The following DOCK2 variants were observed in gnomAD, a reference collection of about 807,000 sequenced individuals.
DOCK2 encodes dedicator of cytokinesis 2, also known as dedicator of cytokinesis protein 2.
Under a neutral mutation model 248.9 loss-of-function variants are expected in DOCK2, and 87 were observed. That is an observed-to-expected ratio of 0.35 (90% CI 0.29 to 0.42). The LOEUF is 0.42. Among genes scored for constraint, DOCK2 ranks in the 10% least tolerant of loss-of-function variants. The pLI, the probability that DOCK2 is intolerant of heterozygous loss-of-function variation, is 1.00. For synonymous variants in DOCK2, 805 were observed against 821.6 expected (o/e 0.98, Z 0.35); for missense variants, 1,747 against 2,300.2 (o/e 0.76, Z 4.92).
chr5:169,804,580 A>G (rs949365351), intron 26 of DOCK2, among the ~76,000 whole-genome samples: 1 of 152,156 alleles, frequency 6.6e-6, no homozygotes, highest in South Asian at 2.1e-4. Context: ...ATTAATGATC[A>G]TATCTCTATT....
chr5:169,759,842 C>G, intron 24 of DOCK2, 67 bp downstream of exon 24: 1 of 1,582,324 alleles, frequency 6.3e-7, no homozygotes, highest in Non-Finnish European at 8.7e-7. Flanking sequence ...GGGAGGAGGG[C>G]TCTTATGGGG....
intron 22 of DOCK2, among the ~76,000 whole-genome samples, chr5:169,729,854 C>T (rs1239241969): frequency 6.6e-6 from 1 of 152,064 alleles, no homozygotes; most frequent in Non-Finnish European, 1.5e-5. Context: ...GTAACTGTGA[C>T]CTTGGGCAAA....
chr5:169,968,510 G>A (rs1777381731), intron 27 of DOCK2, among the ~76,000 whole-genome samples: 1 of 152,160 alleles, frequency 6.6e-6, no homozygotes, highest in Non-Finnish European at 1.5e-5. Context: ...GAAACATTGG[G>A]GGGTCAATGT....
intron 27 of DOCK2, among the ~76,000 whole-genome samples, chr5:169,953,772 G>A (rs1393419566): frequency 6.6e-6 from 1 of 152,192 alleles, no homozygotes; most frequent in Non-Finnish European, 1.5e-5. Context: ...TTCTCCTCGG[G>A]AGACACCTGG....
chr5:169,944,854 G>A (rs936601617), intron 27 of DOCK2, among the ~76,000 whole-genome samples: 2 of 152,162 alleles, frequency 1.3e-5, no homozygotes, highest in Non-Finnish European at 2.9e-5. Context: ...TCTGCCTTGT[G>A]GGCTCCAGTT....
intron 13 of DOCK2, among the ~76,000 whole-genome samples, chr5:169,701,137 C>T (rs1760947195): frequency 6.6e-6 from 1 of 152,206 alleles, no homozygotes; most frequent in Non-Finnish European, 1.5e-5. Flanking sequence ...TGTCTTGCTT[C>T]TACTTCCTTC....
chr5:170,057,756 A>G, intron 44 of DOCK2, 90 bp downstream of exon 44: 1 of 1,193,340 alleles, frequency 8.4e-7, no homozygotes, highest in Non-Finnish European at 1.2e-6. Context: ...TTTAAAAAGG[A>G]GACATGTTTT....
chr5:169,987,589 AAC>A (rs1778100950), intron 29 of DOCK2, among the ~76,000 whole-genome samples: 1 of 152,220 alleles, frequency 6.6e-6, no homozygotes. Context: ...TTCTGGAAGA[AAC>A]ATGTGCTGGG....
At chr5:169,754,573 G>T (rs1016366750) in intron 23 of DOCK2, among the ~76,000 whole-genome samples, 5 of 152,150 alleles carry the variant, frequency 3.3e-5, no homozygotes, top group South Asian at 2.1e-4. Context: ...TCTTACAAAG[G>T]GTGGGGGAAG....
intron 26 of DOCK2, among the ~76,000 whole-genome samples, chr5:169,820,434 C>A (rs1297590751): frequency 6.6e-6 from 1 of 152,216 alleles, no homozygotes; most frequent in Non-Finnish European, 1.5e-5. Context: ...TCCAGAGGAA[C>A]GATCAGGCAG....
At position 170,041,024 on chromosome 5, in the gene DOCK2, G is replaced by A. The variant is rs994287981; in HGVS notation, c.3666-31G>A. 1.9e-6 allele frequency: 3 copies of A among 1,597,262 alleles called. 1 individual carries two copies. Among genetic ancestry groups the A allele is most frequent in the South Asian group, 2.2e-5 (2 of 90,670 alleles). Reference sequence around the variant, plus strand: ...CAGGTGTCTCCTTTTCACTGCACCTGGTAGCTTACTGCATATTTTCCCTCA... The same window carrying A: ...CAGGTGTCTCCTTTTCACTGCACCTAGTAGCTTACTGCATATTTTCCCTCA... On this transcript the variant is annotated intron_variant, in intron 36 of 51. Transcript: ENST00000520908.
At chr5:169,751,009 C>T (rs4042095) in intron 23 of DOCK2, among the ~76,000 whole-genome samples, 20,179 of 152,048 alleles carry the variant, frequency 0.13, 2,261 homozygotes, top group Admixed American at 0.29. Flanking sequence ...TCAGCTTTCT[C>T]GGCCTCAGTT....
intron 29 of DOCK2, among the ~76,000 whole-genome samples, chr5:169,992,549 C>T (rs570981786): frequency 6.6e-6 from 1 of 152,150 alleles, no homozygotes; most frequent in East Asian, 1.9e-4. Context: ...ACTGCAACCT[C>T]CAACTCCCTG....
intron 34 of DOCK2, chr5:170,028,550 A>T (rs1756007079): frequency 6.5e-6 from 1 of 154,406 alleles, no homozygotes; most frequent in African/African-American, 2.4e-5. Flanking sequence ...AGACCACTGG[A>T]CTTGGAGTCA....
chr5:169,892,750 G>A (rs1167462821), intron 27 of DOCK2, among the ~76,000 whole-genome samples: 1 of 152,100 alleles, frequency 6.6e-6, no homozygotes, highest in Non-Finnish European at 1.5e-5. Flanking sequence ...TGTTTCAGGT[G>A]TGCAAGACAG....
chr5:170,053,294 A>G (rs779413965), intron 41 of DOCK2, among the ~76,000 whole-genome samples: 1 of 152,206 alleles, frequency 6.6e-6, no homozygotes, highest in Non-Finnish European at 1.5e-5. Context: ...AACTTTCTGG[A>G]AGGGATCAGA....
intron 5 of DOCK2, among the ~76,000 whole-genome samples, chr5:169,672,394 A>C (rs7713640): frequency 6.6e-6 from 1 of 152,016 alleles, no homozygotes; most frequent in Admixed American, 6.5e-5. Flanking sequence ...CAGTAAGTCC[A>C]TTTACTCTAG....
intron 27 of DOCK2, among the ~76,000 whole-genome samples, chr5:169,930,653 G>A (rs1775709580): frequency 6.6e-6 from 1 of 152,166 alleles, no homozygotes; most frequent in South Asian, 2.1e-4. Flanking sequence ...CGGCTGACAG[G>A]GAGCAATTAA....
intron 27 of DOCK2, among the ~76,000 whole-genome samples, chr5:169,870,107 G>C (rs879688697): frequency 1.3e-5 from 2 of 152,192 alleles, no homozygotes; most frequent in African/African-American, 2.4e-5. Context: ...GTGGTTTAGG[G>C]ATGCTCAGTT....
Sources: allele counts gnomAD v4.1 joint callset (sites outside exome capture counted in the v4.1 genomes callset), GRCh38; gene constraint gnomAD v4.1.1; transcripts MANE v1.5; gene names NCBI Gene and HGNC (gene_info 2026-07-23, HGNC 2026-07-21).